MALRD1: variants seen among roughly 807,000 people sequenced by gnomAD.
The protein encoded by MALRD1 is MAM and LDL receptor class A domain containing 1, also known as MAM and LDL-receptor class A domain-containing protein 1.
A neutral mutation model predicts 242.1 loss-of-function variants in MALRD1; 247 were observed. That is an observed-to-expected ratio of 1.02 (90% CI 0.92 to 1.13). The LOEUF (loss-of-function observed/expected upper bound fraction) is 1.13, where lower values mean the gene tolerates loss of function less well. MALRD1 is among the 50% of genes most tolerant of loss of function. The pLI, the probability that MALRD1 is intolerant of heterozygous loss-of-function variation, is 0.00. For missense variants in MALRD1, 2,989 were observed against 2,533.1 expected (o/e 1.18, Z -3.86); for synonymous variants, 995 against 866.6 (o/e 1.15, Z -2.60).
At chr10:19,457,688 G>C (rs1367311173) in intron 29 of MALRD1, among the ~76,000 whole-genome samples, 1 of 150,154 alleles carries the variant, frequency 6.7e-6, no homozygotes, top group East Asian at 1.9e-4. Context: ...CAAGAAACTA[G>C]GGAGAACTGG....
chr10:19,385,031 T>G (rs1358132285), intron 26 of MALRD1, among the ~76,000 whole-genome samples: 1 of 152,024 alleles, frequency 6.6e-6, no homozygotes, highest in Non-Finnish European at 1.5e-5. Flanking sequence ...CATAAGATTT[T>G]TATTCTTCAT....
chr10:19,553,577 A>T (rs1484017636), intron 32 of MALRD1, among the ~76,000 whole-genome samples: 1 of 152,174 alleles, frequency 6.6e-6, no homozygotes. Flanking sequence ...GCTTTTTGTT[A>T]TTCAGAAACT....
At chr10:19,230,160 C>T (rs533477916) in intron 18 of MALRD1, among the ~76,000 whole-genome samples, 1 of 152,156 alleles carries the variant, frequency 6.6e-6, no homozygotes, top group Non-Finnish European at 1.5e-5. Context: ...CCATGTGGAA[C>T]TGTGAATTCA....
At chr10:19,296,513 A>C (rs1227189144) in intron 21 of MALRD1, among the ~76,000 whole-genome samples, 1 of 152,112 alleles carries the variant, frequency 6.6e-6, no homozygotes, top group African/African-American at 2.4e-5. Flanking sequence ...ATTCTTAAAT[A>C]ATTGTTATAT....
intron 5 of MALRD1, among the ~76,000 whole-genome samples, chr10:19,114,621 G>GA (rs969346767): frequency 6.4e-4 from 96 of 150,416 alleles, no homozygotes; most frequent in African/African-American, 1.9e-3. Flanking sequence ...CTCTGTCCTG[G>GA]AAAAAAAAAT....
chr10:19,247,487 A>T (rs868299448), intron 18 of MALRD1, among the ~76,000 whole-genome samples: 1 of 152,010 alleles, frequency 6.6e-6, no homozygotes, highest in Non-Finnish European at 1.5e-5. Flanking sequence ...CTAATGCCTT[A>T]TTGTAAGGAG....
chr10:19,556,365 A>C (rs1375234562), intron 32 of MALRD1, among the ~76,000 whole-genome samples: 1 of 152,094 alleles, frequency 6.6e-6, no homozygotes, highest in African/African-American at 2.4e-5. Flanking sequence ...CAAATGTATG[A>C]CCTATATCCA....
At chr10:19,317,157 C>G (rs1842739603) in intron 21 of MALRD1, among the ~76,000 whole-genome samples, 1 of 151,658 alleles carries the variant, frequency 6.6e-6, no homozygotes, top group Non-Finnish European at 1.5e-5. Context: ...AACTGGGTTG[C>G]TTATAAACAA....
At chr10:19,431,825 A>G (rs1034809029) in intron 28 of MALRD1, among the ~76,000 whole-genome samples, 1 of 152,128 alleles carries the variant, frequency 6.6e-6, no homozygotes, top group Non-Finnish European at 1.5e-5. Context: ...TTGAATGGTT[A>G]TCAACCTTCA....
chr10:19,580,392 CTG>C (rs1837053452), intron 33 of MALRD1, among the ~76,000 whole-genome samples: 1 of 152,118 alleles, frequency 6.6e-6, no homozygotes, highest in Non-Finnish European at 1.5e-5. Context: ...TCTGCAGCCT[CTG>C]TATGTGCTGG....
rs1439613357 is a variant in MALRD1 at position 19,280,125 on chromosome 10, A to T, written c.3158A>T (p.Asn1053Ile). 2 of 1,546,130 alleles carry T rather than the reference A, an allele frequency of 1.3e-6. No homozygotes were observed. The highest frequency in any genetic ancestry group is 4.0e-5 in the Admixed American group (2 of 49,610). Residue 1053 changes from asparagine (N) to isoleucine (I), a missense_variant, in exon 20 of 40, where the codon AAT (asparagine) becomes ATT (isoleucine). Asn to Ile is a moderately radical substitution (Grantham distance 149). Coordinates refer to ENST00000454679, the MANE Select transcript of MALRD1 (RefSeq NM_001142308.3). ...VTLPPHNCTDNEFICRSDGHC... is the reference protein window; with the variant it reads ...VTLPPHNCTDIEFICRSDGHC... ...TTACCTCCACACAACTGCACAGACA[A>T]TGAATTTATCTGCAGGTCTGATGGT... is the stretch of plus-strand genomic sequence containing the variant.
chr10:19,131,099 G>A (rs978155217), intron 8 of MALRD1, among the ~76,000 whole-genome samples: 1 of 151,976 alleles, frequency 6.6e-6, no homozygotes, highest in Non-Finnish European at 1.5e-5. Context: ...TATGTTGCTC[G>A]CTGATGCAAA....
chr10:19,714,060 A>G (rs1163977590), intron 38 of MALRD1, among the ~76,000 whole-genome samples: 2 of 152,064 alleles, frequency 1.3e-5, no homozygotes, highest in African/African-American at 4.8e-5. Flanking sequence ...CGTGTGTTAT[A>G]GTGTGCTCTT....
chr10:19,305,527 G>C (rs980700322), intron 21 of MALRD1, among the ~76,000 whole-genome samples: 6 of 151,016 alleles, frequency 4.0e-5, no homozygotes, highest in African/African-American at 1.5e-4. Context: ...TTTCAATTTT[G>C]AACCAATTTG....
At chr10:19,394,431 G>A (rs1209522553) in intron 28 of MALRD1, among the ~76,000 whole-genome samples, 1 of 152,088 alleles carries the variant, frequency 6.6e-6, no homozygotes, top group Non-Finnish European at 1.5e-5. Flanking sequence ...CTATGTAATA[G>A]GGAAATAAAT....
intron 24 of MALRD1, among the ~76,000 whole-genome samples, chr10:19,345,835 T>G (rs2130974930): frequency 6.6e-6 from 1 of 152,268 alleles, no homozygotes; most frequent in South Asian, 2.1e-4. Flanking sequence ...ACAAGTTTCT[T>G]GCTCAGAGGT....
intron 28 of MALRD1, among the ~76,000 whole-genome samples, chr10:19,402,526 T>G (rs1042498432): frequency 6.6e-6 from 1 of 152,162 alleles, no homozygotes; most frequent in African/African-American, 2.4e-5. Context: ...CTGTGAGGCC[T>G]CCCCAGCCAT....
intron 38 of MALRD1, chr10:19,710,298 T>A (rs1325719884): frequency 6.6e-6 from 1 of 152,182 alleles, no homozygotes; most frequent in Non-Finnish European, 1.5e-5. Flanking sequence ...TGCATTTTTT[T>A]TTTTAGAGAA....
intron 13 of MALRD1, among the ~76,000 whole-genome samples, chr10:19,168,299 G>A (rs1834785600): frequency 6.6e-6 from 1 of 152,118 alleles, no homozygotes; most frequent in Non-Finnish European, 1.5e-5. Context: ...CAAGGAGCAG[G>A]GCAATGAAAT....
Sources: allele counts gnomAD v4.1 joint callset (sites outside exome capture counted in the v4.1 genomes callset), GRCh38; gene constraint gnomAD v4.1.1; transcripts MANE v1.5; gene names NCBI Gene and HGNC (gene_info 2026-07-23, HGNC 2026-07-21).